Variants in JARID2 observed in about 807,000 individuals in gnomAD.
The protein encoded by JARID2 is protein Jumonji.
JARID2 carries 21 observed loss-of-function variants against 125.6 expected under a neutral mutation model. The ratio of observed to expected loss-of-function variants is 0.17; its 90% confidence interval spans 0.12 to 0.24. The LOEUF (loss-of-function observed/expected upper bound fraction) is 0.24. Among genes scored for constraint, JARID2 ranks in the 10% least tolerant of loss-of-function variants. JARID2 has a pLI of 1.00. For synonymous variants in JARID2, 736 were observed against 661.6 expected, an observed-to-expected ratio of 1.11 and a Z score of -1.73; for missense variants, 1,303 against 1,639.6, an observed-to-expected ratio of 0.79 and a Z score of 3.55.
chr6:15,317,560 T>C (rs546901163), intron 1 of JARID2, among the ~76,000 whole-genome samples: 4 of 152,112 alleles, frequency 2.6e-5, no homozygotes, highest in African/African-American at 9.6e-5. Flanking sequence ...ACTTCATCCG[T>C]AAAGGTGAGT....
chr6:15,354,709 G>A (rs973815568), intron 1 of JARID2, among the ~76,000 whole-genome samples: 1 of 152,164 alleles, frequency 6.6e-6, no homozygotes, highest in Admixed American at 6.5e-5. Context: ...TATATCGAAT[G>A]CTACTTAGCT....
At chr6:15,504,711 G>A in intron 9 of JARID2, 119 bp downstream of exon 9, 1 of 679,246 alleles carries the variant, frequency 1.5e-6, no homozygotes, top group Non-Finnish European at 2.7e-6. Flanking sequence ...CTCAGATGGG[G>A]CTGAGTTCGT....
chr6:15,425,157 GACAA>G (rs1385424472), intron 3 of JARID2, among the ~76,000 whole-genome samples: 2 of 152,276 alleles, frequency 1.3e-5, no homozygotes, highest in African/African-American at 2.4e-5. Flanking sequence ...ATGTACTGAT[GACAA>G]ACAGAGAATA....
chr6:15,425,890 T>C (rs1766704867), intron 3 of JARID2, among the ~76,000 whole-genome samples: 2 of 152,184 alleles, frequency 1.3e-5, no homozygotes, highest in Admixed American at 1.3e-4. Flanking sequence ...CATTTTCCCA[T>C]ATCTGGGAGA....
At chr6:15,397,641 C>A (rs1021068184) in intron 2 of JARID2, among the ~76,000 whole-genome samples, 10 of 152,162 alleles carry the variant, frequency 6.6e-5, no homozygotes, top group Non-Finnish European at 1.5e-5. Context: ...TCTCTTGTGA[C>A]ATGTTATAGA....
chr6:15,415,434 G>C (rs1766107846), intron 3 of JARID2, among the ~76,000 whole-genome samples: 1 of 148,870 alleles, frequency 6.7e-6, no homozygotes, highest in South Asian at 2.1e-4. Flanking sequence ...GCGGCTGGCC[G>C]GGCGGGGGGC....
intron 1 of JARID2, among the ~76,000 whole-genome samples, chr6:15,356,124 C>T (rs1437133944): frequency 2.0e-5 from 3 of 152,174 alleles, no homozygotes; most frequent in Non-Finnish European, 4.4e-5. Flanking sequence ...TTTCAAGGTT[C>T]ATCCACGCTG....
chr6:15,484,316 CA>C (rs1769762700), intron 5 of JARID2, among the ~76,000 whole-genome samples: 1 of 152,226 alleles, frequency 6.6e-6, no homozygotes. Context: ...GACTCTCAGT[CA>C]TGGTCTGGCA....
intron 1 of JARID2, among the ~76,000 whole-genome samples, chr6:15,335,351 C>T (rs1424959938): frequency 1.3e-5 from 2 of 152,136 alleles, no homozygotes; most frequent in Non-Finnish European, 2.9e-5. Flanking sequence ...CTGCCCACTT[C>T]GGCCACCCAA....
chr6:15,327,840 A>G (rs528392654), intron 1 of JARID2, among the ~76,000 whole-genome samples: 7 of 152,316 alleles, frequency 4.6e-5, no homozygotes, highest in East Asian at 1.9e-4. Flanking sequence ...TTGTCCTTCA[A>G]GGCTCAATGT....
In JARID2 at chr6:15,456,590, AT is replaced by A. The variant is rs111421989; in HGVS notation, c.493+4424del. 7.2e-3 allele frequency among the ~76,000 whole-genome samples: 1,082 copies of A among 150,580 alleles called. 13 individuals are homozygous for A. The highest frequency in any genetic ancestry group is 0.025 in the African/African-American group (1,029 of 41,058). On this transcript the variant is annotated intron_variant, in intron 4 of 17. Transcript: ENST00000341776. ...TGAGTCATCCTAGCTTTAAAATACCATTTTTTTTTCCCGGGAGGATAAGTGT... is the reference window on the plus strand; with the variant it reads ...TGAGTCATCCTAGCTTTAAAATACCATTTTTTTTCCCGGGAGGATAAGTGT...
chr6:15,273,447 A>G (rs749906096), intron 1 of JARID2, among the ~76,000 whole-genome samples: 1 of 152,250 alleles, frequency 6.6e-6, no homozygotes, highest in Non-Finnish European at 1.5e-5. Flanking sequence ...CACGCCTGTA[A>G]TCCCAGGACT....
At chr6:15,518,673 G>T (rs1771682613) in intron 17 of JARID2, among the ~76,000 whole-genome samples, 1 of 152,096 alleles carries the variant, frequency 6.6e-6, no homozygotes, top group Admixed American at 6.5e-5. Flanking sequence ...GTAGAGACAG[G>T]GTTTTACCAT....
intron 1 of JARID2, among the ~76,000 whole-genome samples, chr6:15,359,845 C>G (rs1763731264): frequency 6.6e-6 from 1 of 152,030 alleles, no homozygotes; most frequent in Non-Finnish European, 1.5e-5. Flanking sequence ...CGCCACCATG[C>G]CTTGCTAATT....
chr6:15,475,245 T>G (rs1769283933), intron 5 of JARID2, among the ~76,000 whole-genome samples: 1 of 152,238 alleles, frequency 6.6e-6, no homozygotes, highest in African/African-American at 2.4e-5. Context: ...GAAACAGATC[T>G]TCCTATAGAG....
At chr6:15,300,722 T>TGA (rs57766040) in intron 1 of JARID2, among the ~76,000 whole-genome samples, 2,559 of 111,022 alleles carry the variant, frequency 0.023, 80 homozygotes, top group East Asian at 0.1. Flanking sequence ...TGTGTGTGTG[T>TGA]GAGAGAGAGA....
chr6:15,382,559 A>G (rs1312455089), intron 2 of JARID2, among the ~76,000 whole-genome samples: 2 of 152,156 alleles, frequency 1.3e-5, no homozygotes, highest in Non-Finnish European at 2.9e-5. Context: ...GGTGTGCAAA[A>G]TTAAGGACTG....
At chr6:15,427,278 T>C (rs1055457009) in intron 3 of JARID2, among the ~76,000 whole-genome samples, 13 of 152,218 alleles carry the variant, frequency 8.5e-5, no homozygotes, top group African/African-American at 3.1e-4. Flanking sequence ...TTGCATCCTC[T>C]GCAGGTTTAG....
rs755198929 is a variant in JARID2 at position 15,496,469 on chromosome 6, C to T, written c.1244C>T (p.Pro415Leu). ...CTCAAGGTCAGTGGCAGGTTGAACC[C>T]AAAGTCATGCACTAAGGAGGTGGGG... ...NGLKVSGRLN[P>L]KSCTKEVGGR... The change falls in exon 7 of 18, where the codon CCA (proline) becomes CTA (leucine). Residue 415 changes from proline to leucine, a missense_variant. Physicochemically the swap from Pro to Leu is moderately conservative, Grantham distance 98 (BLOSUM62 -3). Around this residue, in one of 11 missense-constraint regions of JARID2, gnomAD observed 651 missense variants for 581.6 expected, o/e 1.12. Coordinates refer to ENST00000341776, the MANE Select transcript of JARID2 (RefSeq NM_004973.4). 2 of 1,613,228 alleles carry T rather than the reference C, an allele frequency of 1.2e-6. No homozygotes were observed. Among genetic ancestry groups the T allele is most frequent in the Non-Finnish European group, 1.7e-6 (2 of 1,179,718 alleles).
Sources: allele counts gnomAD v4.1 joint callset (sites outside exome capture counted in the v4.1 genomes callset), GRCh38; gene constraint gnomAD v4.1.1; regional missense constraint gnomAD v4.1.1; transcripts MANE v1.5; gene names NCBI Gene and HGNC (gene_info 2026-07-23, HGNC 2026-07-21).